The following ZNF682 variants were observed in gnomAD, a reference collection of about 807,000 sequenced individuals.
The protein encoded by ZNF682 is zinc finger protein 682.
A neutral mutation model predicts 36.5 loss-of-function variants in ZNF682; 29 were observed. The observed-to-expected ratio is 0.80, with a 90% CI of 0.59 to 1.08. The LOEUF (loss-of-function observed/expected upper bound fraction) is 1.08, where lower values mean the gene tolerates loss of function less well. ZNF682 is among the 50% of genes least tolerant of loss of function. The probability of loss-of-function intolerance (pLI) is 0.00; values close to 1 mark genes in which losing one functional copy is unlikely to be tolerated. For synonymous variants in ZNF682, 180 were observed against 197.0 expected (o/e 0.91, Z 0.72); for missense variants, 561 against 579.7 (o/e 0.97, Z 0.33).
chr19:20,011,097 G>GTCT (rs1223850009), intron 3 of ZNF682, among the ~76,000 whole-genome samples: 1 of 151,472 alleles, frequency 6.6e-6, no homozygotes, highest in Non-Finnish European at 1.5e-5. Context: ...TAAACTCAAA[G>GTCT]TAAAGGGAAA....
intron 2 of ZNF682, among the ~76,000 whole-genome samples, chr19:20,023,601 C>T (rs2122362971): frequency 6.6e-6 from 1 of 152,214 alleles, no homozygotes. Flanking sequence ...CCCAATACTA[C>T]TTAATCGAAA....
intron 1 of ZNF682, among the ~76,000 whole-genome samples, chr19:20,027,549 C>T (rs369951751): frequency 2.0e-5 from 3 of 152,170 alleles, no homozygotes; most frequent in Non-Finnish European, 2.9e-5. Flanking sequence ...CATCTGAGAT[C>T]GGGAGTTTGT....
intron 1 of ZNF682, among the ~76,000 whole-genome samples, chr19:20,039,007 C>G (rs1395439063): frequency 6.6e-6 from 1 of 152,250 alleles, no homozygotes; most frequent in Non-Finnish European, 1.5e-5. Flanking sequence ...GCACTTCCCA[C>G]GCACAAACCA....
At chr19:19,997,075 A>T (rs1025149424) in exon 4 of ZNF682, 3 of 395,776 alleles carry the variant, frequency 7.6e-6, no homozygotes, top group African/African-American at 6.2e-5. Context: ...AAGGAAAAAA[A>T]AAAAAACCCA....
At chr19:20,022,307 C>T (rs1302119027) in intron 3 of ZNF682, among the ~76,000 whole-genome samples, 1 of 151,226 alleles carries the variant, frequency 6.6e-6, no homozygotes, top group Non-Finnish European at 1.5e-5. Context: ...TACTCTCACA[C>T]ATTTCAGACA....
intron 3 of ZNF682, among the ~76,000 whole-genome samples, chr19:20,013,909 A>G (rs2088312183): frequency 6.6e-6 from 1 of 152,216 alleles, no homozygotes; most frequent in African/African-American, 2.4e-5. Flanking sequence ...GAAATCTTAT[A>G]GACTATTATT....
chr19:20,020,726 T>TA (rs1470152242), intron 3 of ZNF682, among the ~76,000 whole-genome samples: 1 of 152,074 alleles, frequency 6.6e-6, no homozygotes, highest in South Asian at 2.1e-4. Flanking sequence ...TATTCAGCCA[T>TA]AAAAAAATCA....
intron 3 of ZNF682, among the ~76,000 whole-genome samples, chr19:20,009,758 C>T (rs533130689): frequency 7.9e-5 from 12 of 152,102 alleles, no homozygotes; most frequent in African/African-American, 2.9e-4. Flanking sequence ...CAGTGGCTCA[C>T]GTCTGTAATC....
chr19:20,039,028 C>G, intron 1 of ZNF682: 2 of 773,084 alleles, frequency 2.6e-6, no homozygotes, highest in Non-Finnish European at 3.7e-6. Context: ...CACACGGGGT[C>G]TGGACTCTGC....
intron 3 of ZNF682, among the ~76,000 whole-genome samples, chr19:20,009,470 C>T (rs769364184): frequency 1.3e-5 from 2 of 152,012 alleles, no homozygotes; most frequent in African/African-American, 4.8e-5. Flanking sequence ...ATATAATCTA[C>T]GAAAAATTTT....
At chr19:20,003,058 G>A (rs1375570584), downstream of ZNF682, among the ~76,000 whole-genome samples, 1 of 151,398 alleles carries the variant, frequency 6.6e-6, no homozygotes. Flanking sequence ...GGGCGTGGTG[G>A]TGGGCGCCTG....
rs746116362 is a variant in ZNF682, at chr19:20,032,400, C to T, written c.3+6943G>A. Among the ~76,000 whole-genome samples the T allele has an allele frequency of 1.6e-4, 24 of 152,176 alleles. No individual in the cohort carries two copies. The South Asian group carries it at 1.9e-3, about 12-fold the overall frequency. On this transcript the variant is annotated intron_variant, in intron 1 of 3. Coordinates refer to ENST00000397165, the MANE Select transcript of ZNF682 (RefSeq NM_033196.3). ...TTGAAAGAGGTGGAATGGTTGGTTGCTGCCCTGTAAGGTTATTTTTGTAGA... is the reference window on the plus strand; with the variant it reads ...TTGAAAGAGGTGGAATGGTTGGTTGTTGCCCTGTAAGGTTATTTTTGTAGA...
chr19:20,017,121 C>T (rs2088340936), intron 3 of ZNF682, among the ~76,000 whole-genome samples: 1 of 151,800 alleles, frequency 6.6e-6, no homozygotes, highest in African/African-American at 2.4e-5. Context: ...ATTAACAAAA[C>T]AAAAACAAAG....
chr19:20,020,543 C>T (rs1204175308), intron 3 of ZNF682, among the ~76,000 whole-genome samples: 1 of 151,816 alleles, frequency 6.6e-6, no homozygotes, highest in African/African-American at 2.4e-5. Flanking sequence ...AAAAAAATTC[C>T]ACATAATCCA....
chr19:20,027,166 T>C (rs1247559759), intron 1 of ZNF682, among the ~76,000 whole-genome samples: 1 of 152,158 alleles, frequency 6.6e-6, no homozygotes, highest in African/African-American at 2.4e-5. Flanking sequence ...AACTTGAGCA[T>C]ACGCCTTTTA....
Position 20,010,920 on chromosome 19 carries a change from G to A in ZNF682, c.227-3645C>T, listed in dbSNP as rs566365768. On this transcript the variant is annotated intron_variant, in intron 3 of 3. Coordinates refer to ENST00000397165, the MANE Select transcript of ZNF682 (RefSeq NM_033196.3). ...GCAGAGGTTGCAGTAAGCCGAGATC[G>A]TGCCACTTCACTCCAGCCTGCCAAC... is the stretch of plus-strand genomic sequence containing the variant. Among the ~76,000 whole-genome samples the A allele has an allele frequency of 2.0e-5, 3 of 151,978 alleles. No individual in the cohort carries two copies. The East Asian group carries it at 5.8e-4, about 29-fold the overall frequency.
rs190101381 is a variant in ZNF682, at chr19:20,022,742, A to G, written c.226+262T>C. Among the ~76,000 whole-genome samples, 8 of 152,334 alleles carry G rather than the reference A, an allele frequency of 5.3e-5. No homozygotes were observed. The East Asian group carries it at 1.5e-3, about 29-fold the overall frequency. The stretch of plus-strand genomic sequence containing the variant: ...ATTTCTGTGTGCCCCAAGACAATGA[A>G]AGGGCAGTCAGATAATAAAGTCTCT... On this transcript the variant is annotated intron_variant, in intron 3 of 3. Transcript: ENST00000397165.
chr19:20,038,000 CT>C (rs1373747843), intron 1 of ZNF682, among the ~76,000 whole-genome samples: 1 of 152,184 alleles, frequency 6.6e-6, no homozygotes, highest in African/African-American at 2.4e-5. Context: ...CTGATATTCA[CT>C]AGACACCTCA....
chr19:20,030,597 A>G (rs1224762054), intron 1 of ZNF682: 1 of 152,182 alleles, frequency 6.6e-6, no homozygotes. Flanking sequence ...AAAAATAACT[A>G]TAATAACAAC....
Sources: gnomAD v4.1 joint callset for allele counts (sites outside exome capture counted in the v4.1 genomes callset) on GRCh38, gnomAD v4.1.1 for gene constraint, MANE v1.5 for transcripts, NCBI Gene and HGNC (gene_info 2026-07-23, HGNC 2026-07-21) for gene names.